ROCK2: variants seen among roughly 807,000 people sequenced by gnomAD.
ROCK2 encodes the protein Rho associated coiled-coil containing protein kinase 2.
A neutral mutation model predicts 195.1 loss-of-function variants in ROCK2; 61 were observed. The observed-to-expected ratio is 0.31, with a 90% CI of 0.25 to 0.39. The LOEUF is 0.39. Ranked by LOEUF, ROCK2 falls within the 10% of genes least tolerant of loss-of-function variation. ROCK2 has a pLI of 1.00. For synonymous variants in ROCK2, 504 were observed against 545.5 expected (o/e 0.92, Z 1.06); for missense variants, 1,109 against 1,637.4 (o/e 0.68, Z 5.57).
rs1237544507 is a variant in ROCK2 at position 11,179,991 on chromosome 2, G to GGCC, written c.*3443_*3445dup. The GGCC allele has an allele frequency of 6.7e-6, 1 of 150,262 alleles. No individual in the cohort carries two copies. Among genetic ancestry groups the GGCC allele is most frequent in the African/African-American group, 2.5e-5 (1 of 40,206 alleles). 9.3% of individuals were successfully genotyped at this position (150,262 alleles called of 1,614,324 possible). A position where few individuals can be genotyped will look rare whatever the true frequency, so the allele number is the denominator to read the frequency against. ...ATTATGGGGATGGGAGTCAGGGAGA[G>GGCC]GCCCCCCCCCAAGCATGATATCCAG... On this transcript the variant is annotated 3_prime_UTR_variant, in exon 33 of 33. Transcript: ENST00000315872.
chr2:11,186,994 G>GAT (rs1048068187), intron 32 of ROCK2, among the ~76,000 whole-genome samples: 3 of 152,122 alleles, frequency 2.0e-5, no homozygotes, highest in Non-Finnish European at 4.4e-5. Flanking sequence ...CATTAACAGG[G>GAT]ATATAGTTCA....
intron 5 of ROCK2, among the ~76,000 whole-genome samples, chr2:11,231,308 A>T (rs1330700370): frequency 6.6e-6 from 1 of 151,832 alleles, no homozygotes; most frequent in East Asian, 1.9e-4. Flanking sequence ...GGTTCAAGCG[A>T]TTCTCCTGCC....
chr2:11,306,805 T>C (rs568521191), intron 1 of ROCK2, among the ~76,000 whole-genome samples: 4 of 152,292 alleles, frequency 2.6e-5, no homozygotes, highest in South Asian at 2.1e-4. Flanking sequence ...AGCAAAGCCA[T>C]AATACTGCAG....
chr2:11,317,125 T>C (rs1668218332), intron 1 of ROCK2, among the ~76,000 whole-genome samples: 1 of 152,110 alleles, frequency 6.6e-6, no homozygotes, highest in African/African-American at 2.4e-5. Context: ...AAGCTTAACT[T>C]TTCCTGCGAA....
chr2:11,308,298 A>C (rs1667926039), intron 1 of ROCK2: 1 of 1,102,154 alleles, frequency 9.1e-7, no homozygotes, highest in Non-Finnish European at 1.4e-6. Context: ...AACCTGAAGA[A>C]GCTAGAACCA....
rs1232359011 is a variant in ROCK2 at position 11,255,889 on chromosome 2, C to T, written c.325-6091G>A. 4.1e-5 allele frequency among the ~76,000 whole-genome samples: 5 copies of T among 120,506 alleles called. No homozygotes were observed. In the South Asian group the frequency reaches 1.1e-3, roughly 27 times the overall value. 79.1% of individuals were successfully genotyped at this position (120,506 alleles called of 152,430 possible). A position where few individuals can be genotyped will look rare whatever the true frequency, so the allele number is the denominator to read the frequency against. On this transcript the variant is annotated intron_variant, in intron 3 of 32. Transcript: ENST00000315872. The stretch of plus-strand genomic sequence containing the variant: ...GAGCCGAGATGGTGCCACTGCACTC[C>T]ATGCACTCCAGTCTGGATGAGAGAG...
chr2:11,222,172 T>G lies in ROCK2; in HGVS notation c.1010A>C (p.Glu337Ala). 1 of 1,578,082 alleles carries G rather than the reference T, an allele frequency of 6.3e-7. No homozygotes were observed. The highest frequency in any genetic ancestry group is 8.7e-7 in the Non-Finnish European group (1 of 1,151,048). The change falls in exon 8 of 33, where the codon GAG (glutamate) becomes GCG (alanine). Residue 337 changes from glutamate (E) to alanine (A), a missense_variant and splice_region_variant. Physicochemically the swap from Glu to Ala is moderately radical, Grantham distance 107. Around this residue, in one of 6 missense-constraint regions of ROCK2, gnomAD observed 253 missense variants for 455.5 expected, o/e 0.56. Transcript: ENST00000315872. ...CACCCCATTTCTCCCAAGTCGTACC[T>G]CCCTAAACAATGCAGTTAAAGATTG... ...NLICAFLTDR[E>A]VRLGRNGVEE...
chr2:11,202,006 C>T (rs1360267214), intron 21 of ROCK2, 46 bp downstream of exon 21: 2 of 1,442,992 alleles, frequency 1.4e-6, no homozygotes, highest in Admixed American at 1.7e-5. Context: ...AATATCCCAA[C>T]CAAAACTCTG....
chr2:11,199,283 C>T (rs532664175), intron 23 of ROCK2, among the ~76,000 whole-genome samples: 67 of 151,180 alleles, frequency 4.4e-4, no homozygotes, highest in African/African-American at 1.6e-3. Flanking sequence ...TGAAACAATA[C>T]ACAGTGTGGC....
chr2:11,340,620 T>C (rs1159724241), intron 1 of ROCK2, among the ~76,000 whole-genome samples: 1 of 152,226 alleles, frequency 6.6e-6, no homozygotes, highest in Non-Finnish European at 1.5e-5. Context: ...TGTATCTTTA[T>C]AATGTTCTTA....
rs149823011 is a variant in ROCK2, at chr2:11,297,136, C to A, written c.142-9400G>T. Among the ~76,000 whole-genome samples the A allele has an allele frequency of 8.5e-4, 129 of 152,054 alleles. 4 individuals carry two copies. The East Asian group carries it at 0.02, about 23-fold the overall frequency. On this transcript the variant is annotated intron_variant, in intron 1 of 32. Transcript: ENST00000315872. ...GCTTGTCAAAGTTATATTAACCAAT[C>A]ATTAAAAATAGTTGTTACAAAGACT...
At chr2:11,304,590 A>G (rs1177051287) in intron 1 of ROCK2, among the ~76,000 whole-genome samples, 1 of 152,238 alleles carries the variant, frequency 6.6e-6, no homozygotes, top group Non-Finnish European at 1.5e-5. Flanking sequence ...AATGGAACTC[A>G]GAGAATGATG....
At chr2:11,338,614 G>A (rs1669007461) in intron 1 of ROCK2, among the ~76,000 whole-genome samples, 1 of 152,012 alleles carries the variant, frequency 6.6e-6, no homozygotes, top group Admixed American at 6.6e-5. Context: ...AGACTATAAG[G>A]CAAGTATCCT....
rs1008202237 is a variant in ROCK2 at position 11,262,834 on chromosome 2, T to C, written c.325-13036A>G. Among the ~76,000 whole-genome samples, 5 of 152,308 alleles carry C rather than the reference T, an allele frequency of 3.3e-5. No homozygotes were observed. The East Asian group carries it at 9.6e-4, about 29-fold the overall frequency. Reference sequence around the variant, plus strand: ...TCCTCAAACACTTATGGACAAAAACTTTTGAACATCATTCTAAGTAAAACA... The same window carrying C: ...TCCTCAAACACTTATGGACAAAAACCTTTGAACATCATTCTAAGTAAAACA... On this transcript the variant is annotated intron_variant, in intron 3 of 32. Transcript: ENST00000315872.
intron 1 of ROCK2, among the ~76,000 whole-genome samples, chr2:11,309,120 T>C (rs998982475): frequency 2.6e-5 from 4 of 152,062 alleles, no homozygotes; most frequent in African/African-American, 7.2e-5. Context: ...ACATCACTGA[T>C]GTATAGGACT....
chr2:11,294,970 G>A (rs972562327), intron 1 of ROCK2, among the ~76,000 whole-genome samples: 9 of 151,840 alleles, frequency 5.9e-5, no homozygotes, highest in African/African-American at 1.9e-4. Flanking sequence ...TGTATTTTTA[G>A]TAGAGACGGG....
At chr2:11,248,732 A>AAAG (rs1665717776) in intron 4 of ROCK2, among the ~76,000 whole-genome samples, 1 of 144,452 alleles carries the variant, frequency 6.9e-6, no homozygotes, top group Non-Finnish European at 1.5e-5. Context: ...AAAAAAAAAA[A>AAAG]AAAAAAGAAA....
chr2:11,185,704 G>A (rs1038177155), intron 32 of ROCK2, among the ~76,000 whole-genome samples: 2 of 152,044 alleles, frequency 1.3e-5, no homozygotes, highest in African/African-American at 4.8e-5. Flanking sequence ...ACTCCAGCCT[G>A]GGGAACAAGA....
chr2:11,301,778 CAA>C (rs70953386), intron 1 of ROCK2, among the ~76,000 whole-genome samples: 102,533 of 129,482 alleles, frequency 0.79, 41,007 homozygotes, highest in East Asian at 0.98. Flanking sequence ...AACGCCGCCT[CAA>C]AAAAAAAAAA....
Sources: allele counts gnomAD v4.1 joint callset (sites outside exome capture counted in the v4.1 genomes callset), GRCh38; gene constraint gnomAD v4.1.1; regional missense constraint gnomAD v4.1.1; transcripts MANE v1.5; gene names NCBI Gene and HGNC (gene_info 2026-07-23, HGNC 2026-07-21).